Variants in RPRD1A observed in about 807,000 individuals in gnomAD.
RPRD1A encodes regulation of nuclear pre-mRNA domain containing 1A.
Under a neutral mutation model 37.8 loss-of-function variants are expected in RPRD1A, and 9 were observed. The ratio of observed to expected loss-of-function variants is 0.24; its 90% CI spans 0.14 to 0.42. The LOEUF (loss-of-function observed/expected upper bound fraction) is 0.42, where lower values mean the gene tolerates loss of function less well. Ranked by LOEUF, RPRD1A falls within the 10% of genes least tolerant of loss-of-function variation. The pLI, the probability that RPRD1A is intolerant of heterozygous loss-of-function variation, is 1.00. For synonymous variants in RPRD1A, 138 were observed against 139.7 expected, an observed-to-expected ratio of 0.99 and a Z score of 0.08; for missense variants, 255 against 371.0, an observed-to-expected ratio of 0.69 and a Z score of 2.57.
intron 4 of RPRD1A, among the ~76,000 whole-genome samples, chr18:36,030,150 G>A (rs1200689753): frequency 6.6e-6 from 1 of 151,456 alleles, no homozygotes; most frequent in Non-Finnish European, 1.5e-5. Context: ...ATACTTAAAG[G>A]GGCAGTGATT....
chr18:36,049,863 A>G (rs551642056), intron 1 of RPRD1A, among the ~76,000 whole-genome samples: 1 of 152,292 alleles, frequency 6.6e-6, no homozygotes, highest in South Asian at 2.1e-4. Context: ...TCACGGTAAT[A>G]GTATGTTTAA....
intron 6 of RPRD1A, among the ~76,000 whole-genome samples, chr18:36,003,138 C>T (rs963277198): frequency 6.6e-6 from 1 of 152,186 alleles, no homozygotes; most frequent in Non-Finnish European, 1.5e-5. Flanking sequence ...GTTCCATTTC[C>T]CTTTGTTCTT....
At chr18:36,018,528 C>T (rs1204789879) in intron 6 of RPRD1A, among the ~76,000 whole-genome samples, 1 of 152,152 alleles carries the variant, frequency 6.6e-6, no homozygotes, top group Non-Finnish European at 1.5e-5. Context: ...CCGCCTCGGC[C>T]TCCCAAAGTG....
At chr18:36,055,010 T>C (rs1913663809) in intron 1 of RPRD1A, among the ~76,000 whole-genome samples, 1 of 152,194 alleles carries the variant, frequency 6.6e-6, no homozygotes, top group Non-Finnish European at 1.5e-5. Flanking sequence ...TCAGTCTGAT[T>C]TAAATGTTCA....
intron 1 of RPRD1A, among the ~76,000 whole-genome samples, chr18:36,047,108 CTA>C (rs1457447913): frequency 3.3e-5 from 5 of 151,932 alleles, no homozygotes; most frequent in African/African-American, 1.2e-4. Context: ...GTAGTCCCAG[CTA>C]TTCAGGAGGC....
chr18:36,066,885 C>A (rs1253206433), intron 1 of RPRD1A, among the ~76,000 whole-genome samples: 2 of 152,164 alleles, frequency 1.3e-5, no homozygotes, highest in African/African-American at 4.8e-5. Context: ...CAAACCCACA[C>A]CAATCTTTTT....
At chr18:35,994,662 T>C (rs1657125806) in intron 6 of RPRD1A, among the ~76,000 whole-genome samples, 1 of 152,178 alleles carries the variant, frequency 6.6e-6, no homozygotes, top group South Asian at 2.1e-4. Context: ...TAGTAGGCAC[T>C]TGGAAATGTG....
Position 36,008,575 on chromosome 18 carries a change from GTGTA to G in RPRD1A, c.790-15279_790-15276del, listed in dbSNP as rs1164803091. Among the ~76,000 whole-genome samples the G allele has an allele frequency of 4.7e-5, 2 of 42,374 alleles. 1 individual carries two copies. Among genetic ancestry groups the G allele is most frequent in the African/African-American group, 1.7e-4 (2 of 11,570 alleles). The allele number at this position is 42,374 out of a possible 152,430, so 27.8% of individuals were successfully genotyped here. ...TGGGCGACACAGCAAGACCTTGTGT[GTGTA>G]TATATATATATCTTTAAAAATCTCT... On this transcript the variant is annotated intron_variant, in intron 6 of 6. Transcript: ENST00000399022.
At chr18:36,002,137 A>C (rs1043973126) in intron 6 of RPRD1A, among the ~76,000 whole-genome samples, 9 of 152,132 alleles carry the variant, frequency 5.9e-5, no homozygotes, top group Non-Finnish European at 1.2e-4. Context: ...TTCCTGGATC[A>C]GTGGTTGGGT....
intron 1 of RPRD1A, among the ~76,000 whole-genome samples, chr18:36,037,848 G>C (rs1912307557): frequency 6.6e-6 from 1 of 152,162 alleles, no homozygotes. Context: ...AAGACGGGCA[G>C]CATTTTGCCC....
intron 6 of RPRD1A, among the ~76,000 whole-genome samples, chr18:36,016,227 TTTTC>T (rs1186406546): frequency 2.0e-5 from 3 of 152,098 alleles, no homozygotes; most frequent in Non-Finnish European, 2.9e-5. Context: ...ATCTTTTCTT[TTTTC>T]TTTTTTTTGA....
chr18:36,031,106 A>G lies in RPRD1A; in HGVS notation c.282-9T>C, dbSNP rs1268773203. The G allele has an allele frequency of 1.3e-6, 2 of 1,540,262 alleles. No homozygotes were observed. Among genetic ancestry groups the G allele is most frequent in the Non-Finnish European group, 1.7e-6 (2 of 1,151,800 alleles). On this transcript the variant is annotated splice_polypyrimidine_tract_variant and intron_variant, in intron 2 of 6. Transcript: ENST00000399022. The stretch of plus-strand genomic sequence containing the variant: ...AACTTTCATCAGTTTCACTAAAAAA[A>G]AAAAAAAAGAAAAAAAGAAAAATGT...
chr18:36,007,372 T>C (rs895932545), intron 6 of RPRD1A, among the ~76,000 whole-genome samples: 13 of 152,158 alleles, frequency 8.5e-5, no homozygotes, highest in Admixed American at 6.5e-4. Flanking sequence ...AGGATAGATA[T>C]CAGACATGCT....
chr18:36,019,843 A>C (rs1910871284), intron 6 of RPRD1A, among the ~76,000 whole-genome samples: 1 of 152,142 alleles, frequency 6.6e-6, no homozygotes, highest in Non-Finnish European at 1.5e-5. Flanking sequence ...AGTTTGAGAC[A>C]AGCCTGGCCA....
Position 36,030,701 on chromosome 18 carries a change from T to A in RPRD1A, c.486+107A>T, listed in dbSNP as rs1056044735. The stretch of plus-strand genomic sequence containing the variant: ...ATTCATGTGGCTTCTTTCTTGTACC[T>A]AAAAGTATAATAGAAATCAATTTAC... On this transcript the variant is annotated intron_variant, in intron 4 of 6. Transcript: ENST00000399022. 12 of 667,602 alleles carry A rather than the reference T, an allele frequency of 1.8e-5. No homozygotes were observed. In the Admixed American group the frequency reaches 3.4e-4, roughly 19 times the overall value. The allele number at this position is 667,602 out of a possible 1,614,324, so 41.4% of individuals were successfully genotyped here. A position where few individuals can be genotyped will look rare whatever the true frequency, so the allele number is the denominator to read the frequency against.
chr18:36,005,697 CAATT>C (rs1198512296), intron 6 of RPRD1A, among the ~76,000 whole-genome samples: 1 of 152,118 alleles, frequency 6.6e-6, no homozygotes, highest in Non-Finnish European at 1.5e-5. Context: ...TGATAGTATA[CAATT>C]TATTCAAGTT....
chr18:36,060,390 C>T (rs1255271547), intron 1 of RPRD1A, among the ~76,000 whole-genome samples: 2 of 151,862 alleles, frequency 1.3e-5, no homozygotes, highest in Non-Finnish European at 2.9e-5. Flanking sequence ...ACCGAGATCG[C>T]GCCACTGCAC....
chr18:36,025,744 A>C (rs895074222), intron 6 of RPRD1A: 5 of 750,484 alleles, frequency 6.7e-6, no homozygotes, highest in Non-Finnish European at 9.6e-6. Flanking sequence ...AAATTGTATG[A>C]CATTACTTAC....
intron 1 of RPRD1A, among the ~76,000 whole-genome samples, chr18:36,060,178 T>G (rs1261654738): frequency 1.3e-5 from 2 of 152,186 alleles, no homozygotes; most frequent in Non-Finnish European, 2.9e-5. Flanking sequence ...GCGCTTGTAA[T>G]CCCAGCACTT....
Sources: allele counts gnomAD v4.1 joint callset (sites outside exome capture counted in the v4.1 genomes callset), GRCh38; gene constraint gnomAD v4.1.1; transcripts MANE v1.5; gene names NCBI Gene and HGNC (gene_info 2026-07-23, HGNC 2026-07-21).